The following RBBP8 variants were observed in gnomAD, a reference collection of about 807,000 sequenced individuals.
RBBP8 encodes DNA endonuclease RBBP8.
RBBP8 carries 88 observed loss-of-function variants against 108.3 expected under a neutral mutation model. The ratio of observed to expected loss-of-function variants is 0.81; its 90% CI spans 0.68 to 0.97. RBBP8 has a LOEUF of 0.97. Among genes scored for constraint, RBBP8 ranks in the 50% least tolerant of loss-of-function variants. The pLI, the probability that RBBP8 is intolerant of heterozygous loss-of-function variation, is 0.00. For synonymous variants in RBBP8, 332 were observed against 348.2 expected (o/e 0.95, Z 0.52); for missense variants, 1,023 against 1,049.0 (o/e 0.98, Z 0.34).
rs867659790 is a variant in RBBP8 at position 22,925,523 on chromosome 18, A to G, written c.-153-3860A>G. On this transcript the variant is annotated intron_variant, in intron 3 of 4. Transcript: ENST00000577588. Reference sequence around the variant, plus strand: ...GACCAAAAAAAGACAGTGCGTTTAAAGATATATCTGTAATCTGTGAAGCAC... The same window carrying G: ...GACCAAAAAAAGACAGTGCGTTTAAGGATATATCTGTAATCTGTGAAGCAC... Among the ~76,000 whole-genome samples, 76 of 152,362 alleles carry G rather than the reference A, an allele frequency of 5.0e-4. 1 individual carries two copies. The highest frequency in any genetic ancestry group is 1.8e-3 in the African/African-American group (73 of 41,590).
At chr18:23,017,954 C>T (rs1275786105) in intron 17 of RBBP8, among the ~76,000 whole-genome samples, 1 of 151,680 alleles carries the variant, frequency 6.6e-6, no homozygotes, top group African/African-American at 2.4e-5. Context: ...ACTATTTGGC[C>T]AGGCTGGTCT....
chr18:22,970,792 T>C (rs2144601144), intron 5 of RBBP8, among the ~76,000 whole-genome samples: 1 of 152,348 alleles, frequency 6.6e-6, no homozygotes, highest in South Asian at 2.1e-4. Flanking sequence ...TATTACACTT[T>C]GGTAGATATG....
intron 3 of RBBP8, among the ~76,000 whole-genome samples, chr18:22,917,547 C>A (rs1241328352): frequency 1.3e-5 from 2 of 152,116 alleles, no homozygotes; most frequent in Non-Finnish European, 2.9e-5. Context: ...TCCTTCTTAC[C>A]CCTTTTACAG....
chr18:23,007,688 A>G (rs1438174890), intron 16 of RBBP8, among the ~76,000 whole-genome samples: 2 of 126,980 alleles, frequency 1.6e-5, no homozygotes, highest in Non-Finnish European at 3.4e-5. Context: ...ACAGAGCGAG[A>G]CTCCGTCTCA....
Position 22,968,166 on chromosome 18 carries a change from G to A in RBBP8, c.249-640G>A, listed in dbSNP as rs533806960. On this transcript the variant is annotated intron_variant, in intron 4 of 18. Coordinates refer to ENST00000327155, the MANE Select transcript of RBBP8 (RefSeq NM_002894.3). Reference sequence around the variant, plus strand: ...CAGCTCACTGCAACCTCCACCTCCCGGGTTCAAGCGATTCTTCTGCCTCAG... The same window carrying A: ...CAGCTCACTGCAACCTCCACCTCCCAGGTTCAAGCGATTCTTCTGCCTCAG... Among the ~76,000 whole-genome samples, 154 of 150,078 alleles carry A rather than the reference G, an allele frequency of 1.0e-3. 1 individual carries two copies. The highest frequency in any genetic ancestry group is 1.9e-3 in the Non-Finnish European group (128 of 67,418).
At chr18:22,979,125 G>A (rs938825519) in intron 6 of RBBP8, among the ~76,000 whole-genome samples, 20 of 152,034 alleles carry the variant, frequency 1.3e-4, no homozygotes, top group African/African-American at 4.8e-4. Context: ...AAACTAGCCA[G>A]GTATGGTTGC....
At chr18:22,936,320 TCAAACTCCTGG>T (rs1910578365) in intron 1 of RBBP8, among the ~76,000 whole-genome samples, 3 of 145,112 alleles carry the variant, frequency 2.1e-5, no homozygotes, top group South Asian at 4.3e-4. Context: ...CAGGCTGATC[TCAAACTCCTGG>T]CCTCAAGTGA....
intron 16 of RBBP8, among the ~76,000 whole-genome samples, chr18:23,010,413 G>A (rs146090144): frequency 6.6e-6 from 1 of 152,010 alleles, no homozygotes; most frequent in African/African-American, 2.4e-5. Flanking sequence ...ACCAGCCTGG[G>A]CAACACAGTG....
chr18:23,007,818 G>A (rs1414299300), intron 16 of RBBP8, among the ~76,000 whole-genome samples: 1 of 144,020 alleles, frequency 6.9e-6, no homozygotes, highest in Non-Finnish European at 1.5e-5. Flanking sequence ...TGTTTTTTTG[G>A]TTTTTTTTTT....
chr18:22,930,253 G>A (rs181860893), upstream of RBBP8, among the ~76,000 whole-genome samples: 2 of 152,332 alleles, frequency 1.3e-5, no homozygotes, highest in Admixed American at 6.5e-5. Context: ...CAATAGGTGT[G>A]CTGGGACATT....
chr18:22,979,139 C>T (rs886726061), intron 6 of RBBP8, among the ~76,000 whole-genome samples: 2 of 152,026 alleles, frequency 1.3e-5, no homozygotes, highest in African/African-American at 4.8e-5. Context: ...TGGTTGCACG[C>T]GCAGCTGTAG....
chr18:22,914,464 CATTG>C (rs1197967948), intron 1 of RBBP8, among the ~76,000 whole-genome samples: 1 of 152,046 alleles, frequency 6.6e-6, no homozygotes, highest in Non-Finnish European at 1.5e-5. Context: ...GCGTTATGTT[CATTG>C]ATTGTTTGCA....
chr18:22,922,061 A>T (rs1909616961), intron 3 of RBBP8, among the ~76,000 whole-genome samples: 1 of 152,188 alleles, frequency 6.6e-6, no homozygotes. Flanking sequence ...ATAACCTATA[A>T]TGTGATCCTG....
At chr18:22,961,749 T>C (rs900182085) in intron 4 of RBBP8, among the ~76,000 whole-genome samples, 1 of 152,194 alleles carries the variant, frequency 6.6e-6, no homozygotes, top group African/African-American at 2.4e-5. Context: ...AGCCAAAAGA[T>C]TGGACACCCC....
At chr18:22,925,346 A>G (rs543893887) in intron 3 of RBBP8, among the ~76,000 whole-genome samples, 1 of 152,364 alleles carries the variant, frequency 6.6e-6, no homozygotes, top group South Asian at 2.1e-4. Flanking sequence ...TTAAGTACTG[A>G]ACGTTGAACA....
At chr18:23,021,026 A>C (rs2046338912) in intron 17 of RBBP8, among the ~76,000 whole-genome samples, 1 of 152,220 alleles carries the variant, frequency 6.6e-6, no homozygotes, top group Non-Finnish European at 1.5e-5. Context: ...CTTAAATTCT[A>C]GTTTTAAGTC....
chr18:22,940,155 A>T (rs1485810572), intron 2 of RBBP8, among the ~76,000 whole-genome samples: 1 of 151,930 alleles, frequency 6.6e-6, no homozygotes, highest in Non-Finnish European at 1.5e-5. Context: ...TGACTTTAGG[A>T]CAGATTTCTC....
At chr18:23,023,123 C>T (rs2046400944) in intron 18 of RBBP8, among the ~76,000 whole-genome samples, 1 of 151,920 alleles carries the variant, frequency 6.6e-6, no homozygotes, top group Non-Finnish European at 1.5e-5. Flanking sequence ...GTCGTGAACT[C>T]CTGGCCTCAA....
intron 2 of RBBP8, among the ~76,000 whole-genome samples, chr18:22,944,116 TA>T (rs1232694080): frequency 6.6e-6 from 1 of 152,218 alleles, no homozygotes; most frequent in African/African-American, 2.4e-5. Flanking sequence ...GGAGCAGGAT[TA>T]AAGCACACTT....
Sources: allele counts gnomAD v4.1 joint callset (sites outside exome capture counted in the v4.1 genomes callset), GRCh38; gene constraint gnomAD v4.1.1; transcripts MANE v1.5; gene names NCBI Gene and HGNC (gene_info 2026-07-23, HGNC 2026-07-21).